The following MTA3 variants were observed in gnomAD, a reference collection of about 807,000 sequenced individuals.
The protein encoded by MTA3 is metastasis-associated protein MTA3.
MTA3 carries 34 observed loss-of-function variants against 83.5 expected under a neutral mutation model. The ratio of observed to expected loss-of-function variants is 0.41; its 90% CI spans 0.31 to 0.54. The LOEUF is 0.54. MTA3 is among the 20% of genes least tolerant of loss of function. The pLI, the probability that MTA3 is intolerant of heterozygous loss-of-function variation, is 0.33. For missense variants in MTA3, 761 were observed against 726.4 expected (o/e 1.05, Z -0.55); for synonymous variants, 303 against 252.7 (o/e 1.20, Z -1.89).
At chr2:42,730,503 T>C (rs1273090796) in intron 16 of MTA3, among the ~76,000 whole-genome samples, 1 of 152,270 alleles carries the variant, frequency 6.6e-6, no homozygotes, top group Non-Finnish European at 1.5e-5. Flanking sequence ...GTTGATGTGA[T>C]ATATTACACT....
intron 4 of MTA3, among the ~76,000 whole-genome samples, chr2:42,611,005 G>T (rs188450513): frequency 7.2e-6 from 1 of 138,230 alleles, no homozygotes. Context: ...TTTTTGAGAC[G>T]GAGTCTTGCT....
At chr2:42,604,982 T>C (rs959270516) in intron 3 of MTA3, among the ~76,000 whole-genome samples, 2 of 150,466 alleles carry the variant, frequency 1.3e-5, no homozygotes, top group South Asian at 4.2e-4. Flanking sequence ...CATGTCTACT[T>C]CTTTCCACAC....
chr2:42,547,490 C>T (rs187734557), intron 2 of MTA3, among the ~76,000 whole-genome samples: 1,583 of 152,320 alleles, frequency 0.01, 24 homozygotes, highest in African/African-American at 0.036. Context: ...GCCAACGCGC[C>T]CGGCTAATTT....
At chr2:42,628,304 C>A (rs971945184) in intron 4 of MTA3, among the ~76,000 whole-genome samples, 6 of 151,770 alleles carry the variant, frequency 4.0e-5, no homozygotes, top group Admixed American at 1.3e-4. Context: ...GATCTTGGCT[C>A]ACTGCAACCT....
chr2:42,753,714 C>A lies in MTA3; in HGVS notation c.*315C>A. The A allele has an allele frequency of 8.4e-7, 1 of 1,188,832 alleles. No individual in the cohort carries two copies. The highest frequency in any genetic ancestry group is 1.1e-6 in the Non-Finnish European group (1 of 951,670). The allele number at this position is 1,188,832 out of a possible 1,614,324, so 73.6% of individuals were successfully genotyped here. A position where few individuals can be genotyped will look rare whatever the true frequency, so the allele number is the denominator to read the frequency against. On this transcript the variant is annotated 3_prime_UTR_variant, in exon 17 of 17. Transcript: ENST00000405094. ...CCTTCTGCAGCGCCCTGCGCCCCAC[C>A]CAGCAACAGCGGCCACTTGGCAGTG...
chr2:42,550,915 A>G (rs971912382), intron 2 of MTA3, among the ~76,000 whole-genome samples: 2 of 151,846 alleles, frequency 1.3e-5, no homozygotes, highest in African/African-American at 4.8e-5. Flanking sequence ...GGTGGTGCAC[A>G]CCTGTAGTCC....
At chr2:42,647,246 C>CA (rs1688298046) in intron 6 of MTA3, among the ~76,000 whole-genome samples, 1 of 151,094 alleles carries the variant, frequency 6.6e-6, no homozygotes, top group Non-Finnish European at 1.5e-5. Context: ...TTTTTAGAGA[C>CA]AGAGTCTCGC....
intron 2 of MTA3, among the ~76,000 whole-genome samples, chr2:42,572,649 A>G (rs1184488554): frequency 6.6e-6 from 1 of 152,212 alleles, no homozygotes; most frequent in Non-Finnish European, 1.5e-5. Context: ...AAATTTTCAC[A>G]TTAAGATTTG....
chr2:42,704,866 A>C (rs911661008), intron 12 of MTA3, among the ~76,000 whole-genome samples: 1 of 152,094 alleles, frequency 6.6e-6, no homozygotes, highest in Non-Finnish European at 1.5e-5. Flanking sequence ...CAGGGTGTTA[A>C]ATGGGGTCGG....
At chr2:42,666,353 T>C (rs1690232675) in intron 8 of MTA3, among the ~76,000 whole-genome samples, 1 of 152,228 alleles carries the variant, frequency 6.6e-6, no homozygotes, top group African/African-American at 2.4e-5. Flanking sequence ...TAGTGGCTTT[T>C]AATTGCATGT....
At chr2:42,723,987 A>G (rs1030609726) in intron 16 of MTA3, among the ~76,000 whole-genome samples, 1 of 152,174 alleles carries the variant, frequency 6.6e-6, no homozygotes, top group African/African-American at 2.4e-5. Flanking sequence ...TAGGTTATCA[A>G]TGTGTTAAGA....
At chr2:42,745,192 A>G (rs1056792454) in intron 16 of MTA3, among the ~76,000 whole-genome samples, 2 of 152,254 alleles carry the variant, frequency 1.3e-5, no homozygotes, top group Non-Finnish European at 2.9e-5. Context: ...ATGAATATGA[A>G]AAGTGATTAA....
intron 3 of MTA3, among the ~76,000 whole-genome samples, chr2:42,607,574 G>T (rs775269927): frequency 4.6e-5 from 7 of 152,046 alleles, no homozygotes; most frequent in Non-Finnish European, 7.4e-5. Flanking sequence ...GAACTCCTGG[G>T]CTCAAGCGAT....
At chr2:42,684,440 CTT>C (rs776427765) in intron 9 of MTA3, among the ~76,000 whole-genome samples, 45 of 152,280 alleles carry the variant, frequency 3.0e-4, no homozygotes, top group Non-Finnish European at 5.9e-4. Context: ...TCTGGCAAAA[CTT>C]CACTCATACT....
At chr2:42,684,686 A>T (rs533068224) in intron 9 of MTA3, among the ~76,000 whole-genome samples, 258 of 152,328 alleles carry the variant, frequency 1.7e-3, no homozygotes, top group Non-Finnish European at 3.1e-3. Flanking sequence ...AAACCTGCAG[A>T]TCTGATAAAG....
At chr2:42,635,084 G>C (rs1401582700) in intron 4 of MTA3, among the ~76,000 whole-genome samples, 2 of 152,090 alleles carry the variant, frequency 1.3e-5, no homozygotes, top group Admixed American at 6.6e-5. Flanking sequence ...CCAATGATTT[G>C]TTTAGACATA....
chr2:42,673,849 C>G (rs1691071671), intron 8 of MTA3, among the ~76,000 whole-genome samples: 1 of 152,108 alleles, frequency 6.6e-6, no homozygotes, highest in Admixed American at 6.6e-5. Context: ...TGAAATAATT[C>G]CGAAAAAGAT....
chr2:42,658,426 AGTAGAGTG>A (rs777455501), intron 7 of MTA3, among the ~76,000 whole-genome samples: 61 of 152,330 alleles, frequency 4.0e-4, no homozygotes, highest in Non-Finnish European at 5.0e-4. Context: ...GTCTGTCAGC[AGTAGAGTG>A]GAGGTGGGGA....
chr2:42,554,127 G>A lies in MTA3; in HGVS notation c.-140-16310G>A, dbSNP rs917705987. ...TGCATGCCTGTAATCCCAGCTACTC[G>A]GGAAGCTGAGGTACGGGAATCGCTT... On this transcript the variant is annotated intron_variant, in intron 2 of 17. Transcript: ENST00000405592. 5.3e-5 allele frequency among the ~76,000 whole-genome samples: 8 copies of A among 151,672 alleles called. No homozygotes were observed. In the South Asian group the frequency reaches 8.3e-4, roughly 16 times the overall value.
Sources: gnomAD v4.1 joint callset for allele counts (sites outside exome capture counted in the v4.1 genomes callset) on GRCh38, gnomAD v4.1.1 for gene constraint, MANE v1.5 for transcripts, NCBI Gene and HGNC (gene_info 2026-07-23, HGNC 2026-07-21) for gene names.